The following CCDC7 variants were observed in gnomAD, a reference collection of about 807,000 sequenced individuals.
CCDC7 encodes the protein coiled-coil domain-containing protein 7.
A neutral mutation model predicts 196.9 loss-of-function variants in CCDC7; 183 were observed. The ratio of observed to expected loss-of-function variants is 0.93; its 90% CI spans 0.82 to 1.05. CCDC7 has a LOEUF of 1.05. Ranked by LOEUF, CCDC7 falls within the 50% of genes least tolerant of loss-of-function variation. The pLI, the probability that CCDC7 is intolerant of heterozygous loss-of-function variation, is 0.00. For missense variants in CCDC7, 1,540 were observed against 1,482.2 expected (o/e 1.04, Z -0.64); for synonymous variants, 525 against 484.6 (o/e 1.08, Z -1.10).
chr10:32,526,354 A>G (rs1564550809), intron 11 of CCDC7, among the ~76,000 whole-genome samples: 1 of 152,188 alleles, frequency 6.6e-6, no homozygotes, highest in Non-Finnish European at 1.5e-5. Flanking sequence ...AATATTGTCC[A>G]GAAGTCTCAG....
At chr10:32,877,728 A>G (rs907926297), downstream of CCDC7, among the ~76,000 whole-genome samples, 1 of 152,114 alleles carries the variant, frequency 6.6e-6, no homozygotes, top group Non-Finnish European at 1.5e-5. Flanking sequence ...GAGGTAATGC[A>G]TTTTCTAAAT....
chr10:32,845,347 C>A, intron 34 of CCDC7, 21 bp downstream of exon 35: 1 of 1,495,824 alleles, frequency 6.7e-7, no homozygotes, highest in Non-Finnish European at 9.1e-7. Context: ...GAATTTTTCA[C>A]ATCTAATATT....
At chr10:32,821,219 C>G (rs2090122580) in intron 31 of CCDC7, among the ~76,000 whole-genome samples, 1 of 152,184 alleles carries the variant, frequency 6.6e-6, no homozygotes, top group South Asian at 2.1e-4. Flanking sequence ...AAATGCTCAC[C>G]ATCACTGGCC....
intron 24 of CCDC7, among the ~76,000 whole-genome samples, chr10:32,706,324 G>C (rs573230066): frequency 6.6e-6 from 1 of 152,112 alleles, no homozygotes; most frequent in African/African-American, 2.4e-5. Context: ...AAAGCAGTAT[G>C]TAGAGGGAAA....
At chr10:32,646,285 A>G (rs1236730105) in intron 20 of CCDC7, among the ~76,000 whole-genome samples, 1 of 149,340 alleles carries the variant, frequency 6.7e-6, no homozygotes, top group Non-Finnish European at 1.5e-5. Context: ...TCTTTGATGC[A>G]TTGTTTTTTT....
chr10:32,496,904 A>C (rs2042995521), intron 9 of CCDC7, among the ~76,000 whole-genome samples: 1 of 152,206 alleles, frequency 6.6e-6, no homozygotes, highest in South Asian at 2.1e-4. Flanking sequence ...TGCTGGCCTC[A>C]TAAAATGAGT....
At chr10:32,612,194 G>A (rs1290824636) in intron 18 of CCDC7, among the ~76,000 whole-genome samples, 14 of 152,092 alleles carry the variant, frequency 9.2e-5, no homozygotes, top group Admixed American at 7.9e-4. Flanking sequence ...GTGAATGGGA[G>A]TTCACTCATG....
rs562439773 is a variant in CCDC7, at chr10:32,516,468, C to T, written c.873-1477C>T. Among the ~76,000 whole-genome samples, 11 of 151,884 alleles carry T rather than the reference C, an allele frequency of 7.2e-5. No homozygotes were observed. The South Asian group carries it at 1.0e-3, about 14-fold the overall frequency. ...ACACCCGGCTAATTTTTGTATTTTT[C>T]GTAGAGATGGGGTTTCACCATGTTG... On this transcript the variant is annotated intron_variant, in intron 9 of 41. Transcript: ENST00000639629.
chr10:32,634,841 CT>C (rs1392511815), intron 19 of CCDC7, among the ~76,000 whole-genome samples: 1 of 152,056 alleles, frequency 6.6e-6, no homozygotes, highest in Non-Finnish European at 1.5e-5. Context: ...GCTTTAATAC[CT>C]TTTGATTGGT....
intron 11 of CCDC7, among the ~76,000 whole-genome samples, chr10:32,531,300 C>T (rs2049618442): frequency 6.6e-6 from 1 of 151,954 alleles, no homozygotes; most frequent in South Asian, 2.1e-4. Context: ...TGTTCTTTAT[C>T]TTTTACAGAG....
intron 24 of CCDC7, among the ~76,000 whole-genome samples, chr10:32,710,002 G>C (rs768480057): frequency 1.3e-5 from 2 of 152,094 alleles, no homozygotes; most frequent in African/African-American, 4.8e-5. Context: ...AGAGAGCATG[G>C]GTTTGCCAAA....
chr10:32,494,335 T>C (rs1419377290), intron 9 of CCDC7, among the ~76,000 whole-genome samples: 4 of 152,124 alleles, frequency 2.6e-5, no homozygotes, highest in African/African-American at 9.6e-5. Context: ...GTTGATCATA[T>C]ATATGTAAAT....
chr10:32,490,295 T>C (rs1212823066), intron 8 of CCDC7, among the ~76,000 whole-genome samples: 2 of 152,178 alleles, frequency 1.3e-5, no homozygotes, highest in Non-Finnish European at 2.9e-5. Flanking sequence ...AAGACTGATA[T>C]CTCCTACTTT....
intron 25 of CCDC7, among the ~76,000 whole-genome samples, chr10:32,716,733 C>T (rs759426660): frequency 6.6e-6 from 1 of 151,876 alleles, no homozygotes; most frequent in Non-Finnish European, 1.5e-5. Flanking sequence ...ACAGAAAAAC[C>T]CAGGGGTTGC....
intron 24 of CCDC7, among the ~76,000 whole-genome samples, chr10:32,697,632 G>T (rs2077938209): frequency 6.6e-6 from 1 of 152,188 alleles, no homozygotes; most frequent in Non-Finnish European, 1.5e-5. Flanking sequence ...AGGGGCATCT[G>T]CCATTGCTGA....
intron 10 of CCDC7, 147 bp from the exon 12 acceptor site, chr10:32,518,265 CAATT>C: frequency 1.4e-6 from 1 of 719,664 alleles, no homozygotes; most frequent in Non-Finnish European, 1.9e-6. Context: ...CTTTCAGCTC[CAATT>C]ATTGTGTCAC....
intron 41 of CCDC7, among the ~76,000 whole-genome samples, chr10:32,862,800 A>C (rs1459593699): frequency 6.6e-6 from 1 of 152,114 alleles, no homozygotes; most frequent in Non-Finnish European, 1.5e-5. Context: ...TACATTACTT[A>C]AGTGCTAACT....
At chr10:32,783,984 A>G (rs1200271903) in intron 29 of CCDC7, among the ~76,000 whole-genome samples, 1 of 152,194 alleles carries the variant, frequency 6.6e-6, no homozygotes, top group Non-Finnish European at 1.5e-5. Flanking sequence ...AAGGCCTGGC[A>G]ATAGAGGCTA....
chr10:32,878,553 A>G (rs935255573), downstream of CCDC7, among the ~76,000 whole-genome samples: 18 of 152,130 alleles, frequency 1.2e-4, no homozygotes, highest in African/African-American at 4.3e-4. Context: ...ATTAGCTCAA[A>G]TTAGGCCAGA....
Sources: gnomAD v4.1 joint callset for allele counts (sites outside exome capture counted in the v4.1 genomes callset) on GRCh38, gnomAD v4.1.1 for gene constraint, MANE v1.5 for transcripts, NCBI Gene and HGNC (gene_info 2026-07-23, HGNC 2026-07-21) for gene names.